The following PMEPA1 variants were observed in gnomAD, a reference collection of about 807,000 sequenced individuals.
PMEPA1 encodes protein TMEPAI.
In PMEPA1, 11 loss-of-function variants were observed where a neutral mutation model predicts 23.0. The observed-to-expected ratio is 0.48, with a 90% confidence interval of 0.30 to 0.79. The LOEUF is 0.79. PMEPA1 is among the 30% of genes least tolerant of loss of function. PMEPA1 has a pLI of 0.06. For missense variants in PMEPA1, 377 were observed against 390.9 expected (o/e 0.96, Z 0.30); for synonymous variants, 204 against 166.4 (o/e 1.23, Z -1.74).
rs2071312527 is a variant in PMEPA1, at chr20:57,655,358, A to AGCCTTTGT, written c.265-2280_265-2273dup. ...CTCCTCCAGTCCCCTCCTGCACCAC[A>AGCCTTTGT]GCCTTTGTCCCTCTGCCCCCGGTGG... is the stretch of plus-strand genomic sequence containing the variant. On this transcript the variant is annotated intron_variant, in intron 2 of 3. Coordinates refer to ENST00000341744, the MANE Select transcript of PMEPA1 (RefSeq NM_020182.5). This position sits in a 1 kb window ranked among gnomAD's most constrained non-coding sequence, Gnocchi z 4.2. 6.6e-6 allele frequency among the ~76,000 whole-genome samples: 1 copy of AGCCTTTGT among 152,046 alleles called. No homozygotes were observed. The highest frequency in any genetic ancestry group is 1.5e-5 in the Non-Finnish European group (1 of 67,978).
intron 1 of PMEPA1, among the ~76,000 whole-genome samples, chr20:57,703,803 C>G (rs1283231166): frequency 6.6e-6 from 1 of 152,180 alleles, no homozygotes; most frequent in African/African-American, 2.4e-5. Context: ...GCAGAATGGA[C>G]CATCGAGTCC....
rs1216835016 is a variant in PMEPA1 at position 57,652,000 on chromosome 20, G to A, written c.*53C>T. On this transcript the variant is annotated 3_prime_UTR_variant, in exon 4 of 4. Transcript: ENST00000341744. ...CTCTCACTCCTCTTCTAAGAAGCGCGGAGTGTTCTGCCTTTTCACCTACGC... is the reference window on the plus strand; with the variant it reads ...CTCTCACTCCTCTTCTAAGAAGCGCAGAGTGTTCTGCCTTTTCACCTACGC... 2.1e-6 allele frequency: 3 copies of A among 1,408,778 alleles called. No individual in the cohort carries two copies. Among genetic ancestry groups the A allele is most frequent in the Non-Finnish European group, 1.9e-6 (2 of 1,062,954 alleles). 87.3% of individuals were successfully genotyped at this position (1,408,778 alleles called of 1,614,324 possible).
intron 1 of PMEPA1, among the ~76,000 whole-genome samples, chr20:57,664,936 C>T (rs1301474208): frequency 1.3e-5 from 2 of 152,180 alleles, no homozygotes; most frequent in Non-Finnish European, 2.9e-5. Flanking sequence ...CCTCAGTTTC[C>T]CTAATCTGAC....
At chr20:57,659,404 C>T (rs2071375750) in intron 2 of PMEPA1, 139 bp downstream of exon 2, 1 of 869,822 alleles carries the variant, frequency 1.1e-6, no homozygotes, top group Non-Finnish European at 1.7e-6. Context: ...AAGCTGCTGT[C>T]AGGTGGGCTC....
chr20:57,702,432 C>CA (rs1188494853), intron 1 of PMEPA1, among the ~76,000 whole-genome samples: 1 of 152,312 alleles, frequency 6.6e-6, no homozygotes, highest in East Asian at 1.9e-4. Flanking sequence ...GAGACATTTC[C>CA]AATGAATGTC....
chr20:57,653,534 A>G (rs1443490267), intron 2 of PMEPA1, among the ~76,000 whole-genome samples: 1 of 152,256 alleles, frequency 6.6e-6, no homozygotes, highest in African/African-American at 2.4e-5. Flanking sequence ...TACCTGAATT[A>G]CAGTTCTTGA....
chr20:57,705,081 C>T (rs912158198), intron 1 of PMEPA1, among the ~76,000 whole-genome samples: 5 of 152,156 alleles, frequency 3.3e-5, no homozygotes, highest in African/African-American at 1.2e-4. Context: ...GAGAAGAGGG[C>T]AGGAAAGACA....
At chr20:57,665,667 T>C (rs1281041911) in intron 1 of PMEPA1, among the ~76,000 whole-genome samples, 1 of 152,186 alleles carries the variant, frequency 6.6e-6, no homozygotes, top group Non-Finnish European at 1.5e-5. Flanking sequence ...TGATGGTCCC[T>C]GGAAATGCTG....
In PMEPA1 at chr20:57,709,506, C is replaced by T; in HGVS notation, c.77G>A (p.Cys26Tyr). The T allele has an allele frequency of 8.8e-7, 1 of 1,139,492 alleles. No individual in the cohort carries two copies. Among genetic ancestry groups the T allele is most frequent in the Non-Finnish European group, 1.1e-6 (1 of 910,624 alleles). 70.6% of individuals were successfully genotyped at this position (1,139,492 alleles called of 1,614,324 possible). A position where few individuals can be genotyped will look rare whatever the true frequency, so the allele number is the denominator to read the frequency against. The change falls in exon 1 of 4, where the codon TGC becomes TAC. Residue 26 changes from cysteine (C) to tyrosine (Y), a missense_variant. This residue lies in a region of PMEPA1 where 198 missense variants were observed against 196.3 expected (regional missense o/e 1.01). Transcript: ENST00000341744. ...CATGCTCTGGAACAAAGAGCGTTTG[C>T]AGTTGCACGTGCAGGAGACATTGGG... ...GQPNVSCTCNCKRSLFQSMEI... is the reference protein window; with the variant it reads ...GQPNVSCTCNYKRSLFQSMEI...
At chr20:57,653,926 TG>T (rs2146636970) in intron 2 of PMEPA1, among the ~76,000 whole-genome samples, 1 of 152,258 alleles carries the variant, frequency 6.6e-6, no homozygotes, top group South Asian at 2.1e-4. Context: ...CTTGATCTAG[TG>T]AGCCCATCAT....
chr20:57,653,248 G>A (rs553808290), intron 2 of PMEPA1, among the ~76,000 whole-genome samples, 162 bp from the exon 3 acceptor site: 20 of 152,178 alleles, frequency 1.3e-4, no homozygotes, highest in Non-Finnish European at 2.4e-4. Context: ...GGCCCTGGGC[G>A]CTTTTCCAGG....
chr20:57,686,720 T>TG (rs1244750717), intron 1 of PMEPA1, among the ~76,000 whole-genome samples: 1 of 152,260 alleles, frequency 6.6e-6, no homozygotes, highest in Non-Finnish European at 1.5e-5. Context: ...ACCTGTGAGA[T>TG]GGAGTGACCA....
intron 1 of PMEPA1, among the ~76,000 whole-genome samples, chr20:57,706,950 C>T (rs1159792709): frequency 6.6e-6 from 1 of 152,122 alleles, no homozygotes; most frequent in African/African-American, 2.4e-5. Context: ...GGGGAGAGGC[C>T]CTATCTTGAA....
At chr20:57,675,437 C>T (rs1429336387) in intron 1 of PMEPA1, among the ~76,000 whole-genome samples, 1 of 152,248 alleles carries the variant, frequency 6.6e-6, no homozygotes, top group Non-Finnish European at 1.5e-5. Context: ...AGGTCACTGC[C>T]ATCATGACCC....
At chr20:57,679,623 C>T (rs1408085379) in intron 1 of PMEPA1, among the ~76,000 whole-genome samples, 2 of 152,190 alleles carry the variant, frequency 1.3e-5, no homozygotes, top group Non-Finnish European at 2.9e-5. Context: ...ACCAGGCGCT[C>T]GCTTCCTTAG....
rs2071730402 is a variant in PMEPA1, at chr20:57,682,364, G to A, written c.110-22667C>T. Among the ~76,000 whole-genome samples, 1 of 152,182 alleles carries A rather than the reference G, an allele frequency of 6.6e-6. No individual in the cohort carries two copies. Among genetic ancestry groups the A allele is most frequent in the Non-Finnish European group, 1.5e-5 (1 of 68,044 alleles). ...GGCAAGCTGTTCTCTGAGCCTCGGTGGTTTCATCCATAAAATGGGGAAATG... is the reference window on the plus strand; with the variant it reads ...GGCAAGCTGTTCTCTGAGCCTCGGTAGTTTCATCCATAAAATGGGGAAATG... On this transcript the variant is annotated intron_variant, in intron 1 of 3. Coordinates refer to ENST00000341744, the MANE Select transcript of PMEPA1 (RefSeq NM_020182.5). This position sits in a 1 kb window ranked among gnomAD's most constrained non-coding sequence, Gnocchi z 4.4.
intron 1 of PMEPA1, among the ~76,000 whole-genome samples, chr20:57,705,770 C>T (rs1184982001): frequency 3.3e-5 from 5 of 152,294 alleles, no homozygotes; most frequent in South Asian, 4.1e-4. Flanking sequence ...CAGTAGGGGG[C>T]ATTTGACCAT....
intron 2 of PMEPA1, 100 bp from the exon 3 acceptor site, chr20:57,653,186 A>T (rs1358385223): frequency 8.9e-6 from 9 of 1,011,994 alleles, no homozygotes; most frequent in Non-Finnish European, 1.4e-5. Flanking sequence ...CCCTGGAATC[A>T]GCTCTTGAAC....
intron 1 of PMEPA1, among the ~76,000 whole-genome samples, chr20:57,688,906 G>A (rs946781622): frequency 2.0e-5 from 3 of 152,186 alleles, no homozygotes; most frequent in Non-Finnish European, 4.4e-5. Context: ...TTCCCTGAGC[G>A]GGTGGGGGTG....
Sources: gnomAD v4.1 joint callset for allele counts (sites outside exome capture counted in the v4.1 genomes callset) on GRCh38, gnomAD v4.1.1 for gene constraint, gnomAD v4.1.1 regional missense constraint, Gnocchi (gnomAD v3.1) non-coding constraint, MANE v1.5 for transcripts, NCBI Gene and HGNC (gene_info 2026-07-23, HGNC 2026-07-21) for gene names.